SPECC1: variants seen among roughly 807,000 people sequenced by gnomAD.
The protein encoded by SPECC1 is sperm antigen with calponin homology and coiled-coil domains 1.
In SPECC1, 62 loss-of-function variants were observed where a neutral mutation model predicts 104.1. That is an observed-to-expected ratio of 0.60 (90% CI 0.49 to 0.74). SPECC1 has a LOEUF of 0.74. Ranked by LOEUF, SPECC1 falls within the 30% of genes least tolerant of loss-of-function variation. The pLI is 0.00. For missense variants in SPECC1, 1,306 were observed against 1,310.5 expected, an observed-to-expected ratio of 1.00 and a Z score of 0.05; for synonymous variants, 513 against 501.6, an observed-to-expected ratio of 1.02 and a Z score of -0.30.
chr17:20,083,355 G>A (rs945715937), intron 1 of SPECC1, among the ~76,000 whole-genome samples: 1 of 152,188 alleles, frequency 6.6e-6, no homozygotes, highest in Non-Finnish European at 1.5e-5. Context: ...TAGACAAAAT[G>A]CTTGGAATTT....
intron 3 of SPECC1, among the ~76,000 whole-genome samples, chr17:20,141,212 C>T (rs926753908): frequency 8.5e-5 from 13 of 152,206 alleles, no homozygotes; most frequent in Non-Finnish European, 1.2e-4. Context: ...AACCCTTCTG[C>T]AGCACCCCAT....
intron 3 of SPECC1, among the ~76,000 whole-genome samples, chr17:20,195,127 C>G (rs2035943743): frequency 6.6e-6 from 1 of 152,092 alleles, no homozygotes; most frequent in South Asian, 2.1e-4. Context: ...CATGAGAGTC[C>G]TGAAAGTTTT....
At chr17:20,263,922 G>A (rs1406319936) in intron 12 of SPECC1, among the ~76,000 whole-genome samples, 1 of 151,876 alleles carries the variant, frequency 6.6e-6, no homozygotes, top group Non-Finnish European at 1.5e-5. Context: ...TTTTGGATTC[G>A]TTTTCAAAAC....
At chr17:20,260,109 A>G (rs185123843) in intron 11 of SPECC1, 83 bp from the exon 12 acceptor site, 267 of 1,111,074 alleles carry the variant, frequency 2.4e-4, no homozygotes, top group East Asian at 3.3e-4. Flanking sequence ...TTGCTTTTCT[A>G]AAGTAGGTAT....
chr17:20,239,766 C>T (rs1169051549), intron 7 of SPECC1, among the ~76,000 whole-genome samples: 1 of 151,670 alleles, frequency 6.6e-6, no homozygotes, highest in Non-Finnish European at 1.5e-5. Flanking sequence ...CACTCTTGAA[C>T]ATGCCCATCT....
intron 4 of SPECC1, among the ~76,000 whole-genome samples, chr17:20,208,863 G>A (rs57847776): frequency 3.9e-5 from 6 of 152,082 alleles, no homozygotes; most frequent in Non-Finnish European, 8.8e-5. Flanking sequence ...GTGTAGTGGC[G>A]ATTATAGCTC....
chr17:20,231,131 C>CT, intron 5 of SPECC1, among the ~76,000 whole-genome samples: 1 of 152,102 alleles, frequency 6.6e-6, no homozygotes, highest in Non-Finnish European at 1.5e-5. Context: ...TGCAGGTGTC[C>CT]TTAAGTAGGG....
chr17:20,256,373 T>G (rs2703788), intron 10 of SPECC1, among the ~76,000 whole-genome samples: 1 of 151,848 alleles, frequency 6.6e-6, no homozygotes, highest in Non-Finnish European at 1.5e-5. Context: ...TCCCCAGGAA[T>G]TGCTTGTCAA....
chr17:20,175,836 T>C (rs1252241799), intron 3 of SPECC1, among the ~76,000 whole-genome samples: 1 of 152,168 alleles, frequency 6.6e-6, no homozygotes. Flanking sequence ...TAGGGTAGGC[T>C]TTAGTGCAGC....
At chr17:20,267,901 G>A (rs1305978604) in intron 12 of SPECC1, among the ~76,000 whole-genome samples, 1 of 152,062 alleles carries the variant, frequency 6.6e-6, no homozygotes, top group African/African-American at 2.4e-5. Flanking sequence ...CCTCAGCTGG[G>A]GGATCTTGGG....
At chr17:20,288,100 C>A (rs1418799555) in intron 12 of SPECC1, among the ~76,000 whole-genome samples, 2 of 152,150 alleles carry the variant, frequency 1.3e-5, no homozygotes, top group African/African-American at 4.8e-5. Context: ...GCTTCCAGCT[C>A]CATCCATGTC....
At chr17:20,220,660 G>A (rs1042982608) in intron 4 of SPECC1, among the ~76,000 whole-genome samples, 3 of 147,406 alleles carry the variant, frequency 2.0e-5, no homozygotes, top group African/African-American at 7.5e-5. Context: ...CAATTTGGAT[G>A]CCCTTTATTT....
intron 1 of SPECC1, among the ~76,000 whole-genome samples, chr17:20,025,573 G>A (rs374469949): frequency 5.3e-5 from 8 of 152,308 alleles, no homozygotes; most frequent in African/African-American, 1.9e-4. Flanking sequence ...TAATATTCTA[G>A]TGTATGGATA....
chr17:20,142,892 C>T (rs1369561355), intron 3 of SPECC1, among the ~76,000 whole-genome samples: 1 of 150,376 alleles, frequency 6.6e-6, no homozygotes, highest in Non-Finnish European at 1.5e-5. Context: ...CACAGCTACT[C>T]GGGAGGCTAA....
Position 20,257,461 on chromosome 17 carries a change from G to C in SPECC1, c.2691G>C (p.Lys897Asn), listed in dbSNP as rs1322844472. Reference sequence around the variant, plus strand: ...TGGTTGTTCCCACAGATATTCTAAAGGGAAGGACTGAGACCCTGAAGCCAG... The same window carrying C: ...TGGTTGTTCCCACAGATATTCTAAACGGAAGGACTGAGACCCTGAAGCCAG... ...LPDLPLSDIL[K>N]GRTETLKPDP... The change falls in exon 11 of 15, where the codon AAG becomes AAC. Residue 897 changes from lysine to asparagine, a missense_variant. By Grantham distance (94) the Lys-to-Asn change is moderately conservative (BLOSUM62 0). Around this residue, in one of 2 missense-constraint regions of SPECC1, gnomAD observed 1,177 missense variants for 1,139.9 expected, o/e 1.03. Coordinates refer to ENST00000395527, the MANE Select transcript of SPECC1 (RefSeq NM_001243439.2). 5.1e-6 allele frequency: 8 copies of C among 1,581,214 alleles called. No individual in the cohort carries two copies. In the South Asian group the frequency reaches 9.3e-5, roughly 18 times the overall value.
rs1026702402 is a variant in SPECC1 at position 20,239,099 on chromosome 17, G to T, written c.2351+6694G>T. The T allele has an allele frequency of 4.9e-6, 5 of 1,030,698 alleles. No individual in the cohort carries two copies. The African/African-American group carries it at 8.6e-5, about 18-fold the overall frequency. 63.8% of individuals were successfully genotyped at this position (1,030,698 alleles called of 1,614,324 possible). Reference sequence around the variant, plus strand: ...TTCATTAGTAGAACAAAAGGGCATGGAGTAAAAATGCTAATTTTGCATAAA... The same window carrying T: ...TTCATTAGTAGAACAAAAGGGCATGTAGTAAAAATGCTAATTTTGCATAAA... On this transcript the variant is annotated intron_variant, in intron 7 of 14. Transcript: ENST00000395527.
intron 3 of SPECC1, among the ~76,000 whole-genome samples, chr17:20,110,886 A>G (rs1433815011): frequency 6.6e-6 from 1 of 151,992 alleles, no homozygotes; most frequent in African/African-American, 2.4e-5. Flanking sequence ...GTCTTGATAC[A>G]GAATGCATTA....
In SPECC1 at chr17:20,318,428, T is replaced by C. The variant is rs1418750544; in HGVS notation, c.*4363T>C. The stretch of plus-strand genomic sequence containing the variant: ...TTTTGTAGAGACCAACCCAAGTAGA[T>C]GCAGGTGGGTGTTAGATAAAAACAC... On this transcript the variant is annotated 3_prime_UTR_variant, in exon 15 of 15. Transcript: ENST00000395527. 4.3e-6 allele frequency: 1 copy of C among 231,476 alleles called. No homozygotes were observed. Among genetic ancestry groups the C allele is most frequent in the Non-Finnish European group, 8.5e-6 (1 of 116,978 alleles). 14.3% of individuals were successfully genotyped at this position (231,476 alleles called of 1,614,324 possible).
At chr17:20,234,769 A>G (rs1474689323) in intron 7 of SPECC1, among the ~76,000 whole-genome samples, 1 of 152,214 alleles carries the variant, frequency 6.6e-6, no homozygotes, top group Non-Finnish European at 1.5e-5. Flanking sequence ...GGGCACTCAC[A>G]GGGTTGGTTG....
Sources: gnomAD v4.1 joint callset for allele counts (sites outside exome capture counted in the v4.1 genomes callset) on GRCh38, gnomAD v4.1.1 for gene constraint, gnomAD v4.1.1 regional missense constraint, MANE v1.5 for transcripts, NCBI Gene and HGNC (gene_info 2026-07-23, HGNC 2026-07-21) for gene names.